The following CTNNA3 variants were observed in gnomAD, a reference collection of about 807,000 sequenced individuals.
CTNNA3 encodes the protein catenin alpha-3.
A neutral mutation model predicts 95.7 loss-of-function variants in CTNNA3; 76 were observed. That is an observed-to-expected ratio of 0.79 (90% CI 0.66 to 0.96). The LOEUF is 0.96. Ranked by LOEUF, CTNNA3 falls within the 40% of genes least tolerant of loss-of-function variation. The pLI, the probability that CTNNA3 is intolerant of heterozygous loss-of-function variation, is 0.00. For synonymous variants in CTNNA3, 431 were observed against 374.4 expected, an observed-to-expected ratio of 1.15 and a Z score of -1.74; for missense variants, 1,191 against 1,089.8, an observed-to-expected ratio of 1.09 and a Z score of -1.31.
intron 5 of CTNNA3, among the ~76,000 whole-genome samples, chr10:67,496,907 T>C (rs1207500784): frequency 6.6e-6 from 1 of 152,186 alleles, no homozygotes; most frequent in African/African-American, 2.4e-5. Flanking sequence ...CTTTTTTATT[T>C]TTCTGGCATA....
chr10:66,860,562 G>A (rs901874655), intron 7 of CTNNA3, among the ~76,000 whole-genome samples: 2 of 152,094 alleles, frequency 1.3e-5, no homozygotes, highest in Non-Finnish European at 2.9e-5. Flanking sequence ...TGTTTTGACA[G>A]GTGTCTACTC....
At chr10:66,941,236 A>C (rs1847977937) in intron 7 of CTNNA3, among the ~76,000 whole-genome samples, 1 of 152,166 alleles carries the variant, frequency 6.6e-6, no homozygotes, top group Non-Finnish European at 1.5e-5. Context: ...TCTCCATTTT[A>C]CTCCAGTGTC....
chr10:67,663,192 T>C (rs1358812030), intron 1 of CTNNA3, among the ~76,000 whole-genome samples: 1 of 152,128 alleles, frequency 6.6e-6, no homozygotes, highest in East Asian at 1.9e-4. Context: ...ATCTGATCAG[T>C]TATGTGTTAT....
At chr10:67,298,973 T>C (rs1236221327) in intron 5 of CTNNA3, among the ~76,000 whole-genome samples, 1 of 151,920 alleles carries the variant, frequency 6.6e-6, no homozygotes, top group African/African-American at 2.4e-5. Flanking sequence ...CAGGCTGGAG[T>C]GCAGTAGTGC....
rs373661106 is a variant in CTNNA3, at chr10:67,539,586, G to C, written c.376C>G (p.Arg126Gly). The C allele has an allele frequency of 8.1e-6, 13 of 1,613,702 alleles. No individual in the cohort carries two copies. The highest frequency in any genetic ancestry group is 3.3e-4 in the Middle Eastern group (2 of 6,082). The change falls in exon 4 of 18, where the codon CGT becomes GGT. Residue 126 changes from arginine to glycine, a missense_variant. Physicochemically the swap from Arg to Gly is moderately radical, Grantham distance 125. Transcript: ENST00000433211. ...PKREAVVQAA[R>G]ALLAAVTRLL... ...CTCGTCACCGCAGCCAGCAAGGCAC[G>C]GGCAGCTTGAACCACAGCCTCCCTT...
At chr10:66,043,990 GTGTGTT>G (rs71035107) in intron 15 of CTNNA3, among the ~76,000 whole-genome samples, 17,115 of 144,962 alleles carry the variant, frequency 0.12, 1,008 homozygotes, top group Non-Finnish European at 0.17. Flanking sequence ...GTGTGTGTGT[GTGTGTT>G]TGTGTGTGTC....
chr10:66,425,596 C>T (rs1435825700), intron 11 of CTNNA3, among the ~76,000 whole-genome samples: 13 of 151,988 alleles, frequency 8.6e-5, no homozygotes, highest in African/African-American at 2.9e-4. Flanking sequence ...TCTTCCTTCT[C>T]CCAAGTTCTT....
intron 15 of CTNNA3, among the ~76,000 whole-genome samples, chr10:66,008,090 G>A (rs1024885511): frequency 5.9e-5 from 9 of 152,116 alleles, no homozygotes; most frequent in African/African-American, 2.2e-4. Context: ...TGAGAAGGCT[G>A]CCTTTCTCTA....
At chr10:66,801,477 G>T in intron 7 of CTNNA3, among the ~76,000 whole-genome samples, 1 of 151,220 alleles carries the variant, frequency 6.6e-6, no homozygotes, top group East Asian at 1.9e-4. Flanking sequence ...ATAAGCAAAT[G>T]GATAATTGAA....
intron 9 of CTNNA3, among the ~76,000 whole-genome samples, chr10:66,750,548 T>C (rs1181840999): frequency 6.6e-6 from 1 of 152,184 alleles, no homozygotes; most frequent in African/African-American, 2.4e-5. Context: ...ATTTCTATGC[T>C]CTCTATTCTA....
chr10:65,995,047 CTTAA>C, intron 15 of CTNNA3, among the ~76,000 whole-genome samples: 1 of 151,236 alleles, frequency 6.6e-6, no homozygotes, highest in African/African-American at 2.4e-5. Flanking sequence ...TCATTATGTT[CTTAA>C]TTGTCTTTTC....
chr10:66,577,345 T>C (rs1843038578), intron 10 of CTNNA3, among the ~76,000 whole-genome samples: 1 of 152,110 alleles, frequency 6.6e-6, no homozygotes, highest in Non-Finnish European at 1.5e-5. Flanking sequence ...GTCCTTCTTG[T>C]CAATTTTTGT....
At chr10:67,255,317 TA>T (rs1259791763) in intron 5 of CTNNA3, among the ~76,000 whole-genome samples, 54 of 151,602 alleles carry the variant, frequency 3.6e-4, no homozygotes, top group Admixed American at 1.8e-3. Flanking sequence ...AATAAATAAA[TA>T]AATTAATTAA....
chr10:66,254,613 T>C (rs892578970), intron 13 of CTNNA3, among the ~76,000 whole-genome samples: 1 of 152,210 alleles, frequency 6.6e-6, no homozygotes, highest in African/African-American at 2.4e-5. Flanking sequence ...TAAATTCTTC[T>C]TGCCAACCTG....
intron 5 of CTNNA3, among the ~76,000 whole-genome samples, chr10:67,342,710 T>C (rs1239662179): frequency 6.6e-6 from 1 of 152,196 alleles, no homozygotes; most frequent in Non-Finnish European, 1.5e-5. Flanking sequence ...TTTTCGCCAA[T>C]GTATGTTCTT....
chr10:65,997,421 A>G (rs1441245953), intron 15 of CTNNA3, among the ~76,000 whole-genome samples: 1 of 152,210 alleles, frequency 6.6e-6, no homozygotes, highest in Non-Finnish European at 1.5e-5. Context: ...ATCTTGGGTT[A>G]GCCAACAGAA....
At chr10:67,455,796 T>C (rs1160333824) in intron 5 of CTNNA3, among the ~76,000 whole-genome samples, 1 of 152,154 alleles carries the variant, frequency 6.6e-6, no homozygotes, top group African/African-American at 2.4e-5. Context: ...TCTGAAAGAC[T>C]GTCACAGAGC....
intron 15 of CTNNA3, among the ~76,000 whole-genome samples, chr10:66,042,899 C>CAAAAAAAAAAAAAAAAAAAAAAAAA (rs60090636): frequency 6.7e-4 from 34 of 50,420 alleles, no homozygotes; most frequent in South Asian, 1.5e-3. Flanking sequence ...GACTCTGTCT[C>CAAAAAAAAAAAAAAAAAAAAAAAAA]AAAAAAAAAA....
chr10:67,518,431 A>G (rs1443194873), intron 5 of CTNNA3, among the ~76,000 whole-genome samples: 1 of 152,176 alleles, frequency 6.6e-6, no homozygotes, highest in East Asian at 1.9e-4. Flanking sequence ...CAAGAATAGT[A>G]TGCCGTGATC....
Sources: allele counts gnomAD v4.1 joint callset (sites outside exome capture counted in the v4.1 genomes callset), GRCh38; gene constraint gnomAD v4.1.1; transcripts MANE v1.5; gene names NCBI Gene and HGNC (gene_info 2026-07-23, HGNC 2026-07-21).